The following EPHB2 variants were observed in gnomAD, a reference collection of about 807,000 sequenced individuals.
The protein encoded by EPHB2 is ephrin type-B receptor 2.
Under a neutral mutation model 96.4 loss-of-function variants are expected in EPHB2, and 18 were observed. The observed-to-expected ratio is 0.19, with a 90% CI of 0.13 to 0.28. EPHB2 has a LOEUF of 0.28. Among genes scored for constraint, EPHB2 ranks in the 10% least tolerant of loss-of-function variants. EPHB2 has a pLI of 1.00. For missense variants in EPHB2, 989 were observed against 1,355.4 expected (o/e 0.73, Z 4.25); for synonymous variants, 506 against 534.1 (o/e 0.95, Z 0.72).
intron 1 of EPHB2, among the ~76,000 whole-genome samples, chr1:22,755,390 T>C (rs1399729624): frequency 6.6e-6 from 1 of 151,996 alleles, no homozygotes; most frequent in Non-Finnish European, 1.5e-5. Flanking sequence ...TTTAGATGGA[T>C]GCAGGGGAGG....
chr1:22,804,753 C>A (rs1474209109), intron 3 of EPHB2, among the ~76,000 whole-genome samples: 2 of 151,976 alleles, frequency 1.3e-5, no homozygotes, highest in Non-Finnish European at 2.9e-5. Context: ...CTCCTTCCTC[C>A]CCTTGTCTCT....
intron 1 of EPHB2, among the ~76,000 whole-genome samples, chr1:22,741,142 C>T (rs542024745): frequency 3.3e-5 from 5 of 152,118 alleles, no homozygotes; most frequent in African/African-American, 4.8e-5. Flanking sequence ...GACCCCTGTT[C>T]TCTGATTCTA....
chr1:22,819,406 C>T (rs1196080563), intron 3 of EPHB2, among the ~76,000 whole-genome samples: 2 of 152,116 alleles, frequency 1.3e-5, no homozygotes, highest in Non-Finnish European at 2.9e-5. Context: ...ATTCCGGATC[C>T]AGGTCGAAGG....
intron 1 of EPHB2, among the ~76,000 whole-genome samples, chr1:22,725,647 C>T (rs1387735898): frequency 6.6e-6 from 1 of 152,190 alleles, no homozygotes; most frequent in African/African-American, 2.4e-5. Context: ...GGTTTTTGCA[C>T]TGGGGAGTTC....
At chr1:22,870,673 C>G (rs770690104) in intron 5 of EPHB2, among the ~76,000 whole-genome samples, 1 of 152,220 alleles carries the variant, frequency 6.6e-6, no homozygotes, top group Non-Finnish European at 1.5e-5. Context: ...CTTGGCCATT[C>G]TCCAGGGCTG....
intron 3 of EPHB2, among the ~76,000 whole-genome samples, chr1:22,845,882 C>T (rs1443055355): frequency 6.6e-6 from 1 of 152,146 alleles, no homozygotes; most frequent in Non-Finnish European, 1.5e-5. Flanking sequence ...CGGCTGTTGG[C>T]CAGAGATCAC....
chr1:22,907,863 G>A, intron 11 of EPHB2, 90 bp from the exon 12 acceptor site: 1 of 1,515,762 alleles, frequency 6.6e-7, no homozygotes, highest in Non-Finnish European at 9.2e-7. Flanking sequence ...GGCTGGCAGG[G>A]CCCTGCTCTG....
At chr1:22,830,572 G>T (rs760393526) in intron 3 of EPHB2, among the ~76,000 whole-genome samples, 2 of 152,122 alleles carry the variant, frequency 1.3e-5, no homozygotes, top group Admixed American at 6.5e-5. Context: ...CATTTCTTTT[G>T]TTTGTTTGTT....
intron 6 of EPHB2, among the ~76,000 whole-genome samples, chr1:22,891,784 CTT>C (rs1182545836): frequency 9.1e-6 from 1 of 110,310 alleles, no homozygotes; most frequent in Non-Finnish European, 2.1e-5. Flanking sequence ...AGTCTGGTTT[CTT>C]TTTTTTTTGT....
intron 3 of EPHB2, among the ~76,000 whole-genome samples, chr1:22,786,168 A>G (rs1644608038): frequency 1.3e-5 from 2 of 152,200 alleles, no homozygotes; most frequent in Admixed American, 1.3e-4. Context: ...TAGCGGTATC[A>G]CCTTGGCCAA....
intron 1 of EPHB2, chr1:22,775,354 G>A (rs1644435378): frequency 2.7e-6 from 2 of 734,132 alleles, no homozygotes; most frequent in Middle Eastern, 2.3e-4. Flanking sequence ...CCTGGCCAGC[G>A]CTTGGCATGT....
intron 1 of EPHB2, among the ~76,000 whole-genome samples, chr1:22,719,295 G>A (rs200573139): frequency 2.6e-5 from 4 of 152,130 alleles, no homozygotes; most frequent in East Asian, 3.9e-4. Context: ...AATATGACTC[G>A]CCCAAAGCCA....
intron 1 of EPHB2, among the ~76,000 whole-genome samples, chr1:22,758,840 G>C (rs1292405430): frequency 2.0e-5 from 3 of 151,352 alleles, no homozygotes; most frequent in South Asian, 4.2e-4. Flanking sequence ...GGTACCTATT[G>C]GGGGCCCAGC....
chr1:22,891,017 A>G (rs1570444937), intron 6 of EPHB2: 2 of 452,758 alleles, frequency 4.4e-6, no homozygotes, highest in South Asian at 3.1e-5. Flanking sequence ...ACCAGGTCAC[A>G]TGTCCCTCGG....
chr1:22,754,820 G>GGGAGGT (rs1644118714), intron 1 of EPHB2, among the ~76,000 whole-genome samples: 2 of 7,084 alleles, frequency 2.8e-4, no homozygotes, highest in African/African-American at 4.9e-4. Context: ...GCAGGGGAAG[G>GGGAGGT]GAGGTGAGGG....
At chr1:22,812,285 G>T (rs1027315859) in intron 3 of EPHB2, among the ~76,000 whole-genome samples, 7 of 152,340 alleles carry the variant, frequency 4.6e-5, no homozygotes, top group Non-Finnish European at 7.3e-5. Flanking sequence ...CTGCCCGCGG[G>T]GCCTGAGCTG....
intron 3 of EPHB2, among the ~76,000 whole-genome samples, chr1:22,814,991 C>T (rs895608652): frequency 3.3e-5 from 5 of 152,210 alleles, no homozygotes; most frequent in East Asian, 3.9e-4. Context: ...TATGGCCACG[C>T]GTGAAGGCTG....
chr1:22,850,817 A>G lies in EPHB2; in HGVS notation c.812-12220A>G, dbSNP rs147949890. On this transcript the variant is annotated intron_variant, in intron 3 of 15. Transcript: ENST00000374630. ...GATGGAACCAGGACTTGAACCAGGC[A>G]GGAGAAACGGCGCATGCACAGGCCC... Among the ~76,000 whole-genome samples, 358 of 152,298 alleles carry G rather than the reference A, an allele frequency of 2.4e-3. 5 individuals are homozygous for G. The Middle Eastern group carries it at 0.027, about 12-fold the overall frequency.
intron 1 of EPHB2, among the ~76,000 whole-genome samples, chr1:22,761,879 C>A (rs921529685): frequency 6.6e-6 from 1 of 152,204 alleles, no homozygotes; most frequent in South Asian, 2.1e-4. Context: ...GACTTGGTTG[C>A]CAGCTCTGGC....
Sources: gnomAD v4.1 joint callset for allele counts (sites outside exome capture counted in the v4.1 genomes callset) on GRCh38, gnomAD v4.1.1 for gene constraint, MANE v1.5 for transcripts, NCBI Gene and HGNC (gene_info 2026-07-23, HGNC 2026-07-21) for gene names.